Variants in PLAGL1 observed in about 807,000 individuals in gnomAD.
The protein encoded by PLAGL1 is zinc finger protein PLAGL1.
Under a neutral mutation model 4.6 loss-of-function variants are expected in PLAGL1, and 1 was observed. The observed-to-expected ratio is 0.22, with a 90% CI of 0.08 to 1.03. The LOEUF (loss-of-function observed/expected upper bound fraction) is 1.03. Ranked by LOEUF, PLAGL1 falls within the 50% of genes least tolerant of loss-of-function variation. PLAGL1 has a pLI of 0.58. For missense variants in PLAGL1, 464 were observed against 570.4 expected (o/e 0.81, Z 1.90); for synonymous variants, 240 against 237.8 (o/e 1.01, Z -0.08).
At chr6:144,010,709 A>G (rs1417655565), upstream of PLAGL1, among the ~76,000 whole-genome samples, 2 of 152,210 alleles carry the variant, frequency 1.3e-5, no homozygotes, top group African/African-American at 2.4e-5. This position sits in a 1 kb window ranked among gnomAD's most constrained non-coding sequence, Gnocchi z 4.1. Context: ...AAACTACACT[A>G]CAAGGCTACA....
At chr6:144,029,632 T>C (rs1298562900) in intron 1 of PLAGL1, among the ~76,000 whole-genome samples, 1 of 152,232 alleles carries the variant, frequency 6.6e-6, no homozygotes, top group African/African-American at 2.4e-5. Flanking sequence ...TCAAAAATCT[T>C]AACACATACT....
rs1794202238 is a variant in PLAGL1, at chr6:144,006,445, G to A, written c.-584+1645C>T. ...GCCCCTGACCCTCTCCTCCCCACTA[G>A]GAGATGACCATTAGCTTGACTTTTT... is the stretch of plus-strand genomic sequence containing the variant. On this transcript the variant is annotated intron_variant, in intron 1 of 7. Transcript: ENST00000674357. The surrounding 1 kb of genome is among the most constrained non-coding windows in gnomAD (Gnocchi z 4.3). 2 of 152,222 alleles carry A rather than the reference G, an allele frequency of 1.3e-5. No homozygotes were observed. The highest frequency in any genetic ancestry group is 2.9e-5 in the Non-Finnish European group (2 of 68,072). 9.4% of individuals were successfully genotyped at this position (152,222 alleles called of 1,614,324 possible).
Position 144,056,445 on chromosome 6 carries a change from G to T in PLAGL1, c.-151+8023C>A, listed in dbSNP as rs1363164256. Among the ~76,000 whole-genome samples, 1 of 152,182 alleles carries T rather than the reference G, an allele frequency of 6.6e-6. No homozygotes were observed. The highest frequency in any genetic ancestry group is 1.5e-5 in the Non-Finnish European group (1 of 68,042). On this transcript the variant is annotated intron_variant, in intron 1 of 3. Coordinates refer to the PLAGL1 transcript ENST00000437412. This position sits in a 1 kb window ranked among gnomAD's most constrained non-coding sequence, Gnocchi z 4.7. ...ATCTACTAATATAGTGCCATACAGA[G>T]TAGTGTCACTGCTCTAAACAAAACT...
At position 143,975,495 on chromosome 6, in the gene PLAGL1, A is replaced by T. The variant is rs906132257; in HGVS notation, c.-543-6517T>A. Reference sequence around the variant, plus strand: ...AAAGCTCCTAAAACAGCATTGGCATACAGTGAAAGATCAATAATTATAGCT... The same window carrying T: ...AAAGCTCCTAAAACAGCATTGGCATTCAGTGAAAGATCAATAATTATAGCT... On this transcript the variant is annotated intron_variant, in intron 2 of 7. Transcript: ENST00000674357. This position sits in a 1 kb window ranked among gnomAD's most constrained non-coding sequence, Gnocchi z 5.8. Among the ~76,000 whole-genome samples the T allele has an allele frequency of 6.6e-6, 1 of 152,254 alleles. No individual in the cohort carries two copies. Among genetic ancestry groups the T allele is most frequent in the African/African-American group, 2.4e-5 (1 of 41,466 alleles).
At chr6:143,993,102 T>C (rs1790835854) in intron 1 of PLAGL1, among the ~76,000 whole-genome samples, 2 of 149,786 alleles carry the variant, frequency 1.3e-5, no homozygotes, top group Non-Finnish European at 3.0e-5. Flanking sequence ...AGGTCAGGAG[T>C]TCGAGTCCAG....
chr6:144,023,103 G>A (rs1371964932), intron 1 of PLAGL1, among the ~76,000 whole-genome samples: 2 of 152,166 alleles, frequency 1.3e-5, no homozygotes, highest in Non-Finnish European at 2.9e-5. Context: ...GAAACTTAAT[G>A]CATACTGCTA....
chr6:143,951,302 C>A (rs1781034562), intron 6 of PLAGL1, among the ~76,000 whole-genome samples: 1 of 152,212 alleles, frequency 6.6e-6, no homozygotes, highest in South Asian at 2.1e-4. Flanking sequence ...TGTCAATGTA[C>A]AGCTCATGTT....
intron 2 of PLAGL1, among the ~76,000 whole-genome samples, chr6:143,981,757 C>G (rs1034455715): frequency 6.6e-6 from 1 of 152,128 alleles, no homozygotes; most frequent in Non-Finnish European, 1.5e-5. Flanking sequence ...AAGTTCCAAT[C>G]CTTTATATTT....
At position 143,958,626 on chromosome 6, in the gene PLAGL1, G is replaced by A. The variant is rs1262374061; in HGVS notation, c.-325+1843C>T. Among the ~76,000 whole-genome samples the A allele has an allele frequency of 6.6e-6, 1 of 152,078 alleles. No individual in the cohort carries two copies. The highest frequency in any genetic ancestry group is 1.5e-5 in the Non-Finnish European group (1 of 68,022). On this transcript the variant is annotated intron_variant, in intron 6 of 7. Coordinates refer to ENST00000674357, the MANE Select transcript of PLAGL1 (RefSeq NM_001317162.2). The surrounding 1 kb of genome is among the most constrained non-coding windows in gnomAD (Gnocchi z 5.1). The stretch of plus-strand genomic sequence containing the variant: ...CCATGTCATGTCCAATAAATTCAAA[G>A]GATGCAAAGCAAATTGTTCATCCAG...
Position 143,953,366 on chromosome 6 carries a change from A to G in PLAGL1, c.-324-4906T>C, listed in dbSNP as rs1273696855. On this transcript the variant is annotated intron_variant, in intron 6 of 7. Coordinates refer to ENST00000674357, the MANE Select transcript of PLAGL1 (RefSeq NM_001317162.2). This position sits in a 1 kb window ranked among gnomAD's most constrained non-coding sequence, Gnocchi z 5.3. ...CACCTTGAAAGACTGAATTTTGTTA[A>G]CCCAGTGACTAAGCTCTTACTTTCT... is the stretch of plus-strand genomic sequence containing the variant. Among the ~76,000 whole-genome samples the G allele has an allele frequency of 1.3e-5, 2 of 152,190 alleles. No individual in the cohort carries two copies. Among genetic ancestry groups the G allele is most frequent in the Non-Finnish European group, 2.9e-5 (2 of 68,044 alleles).
chr6:144,044,994 C>T (rs1369400476), intron 1 of PLAGL1, among the ~76,000 whole-genome samples: 1 of 104,990 alleles, frequency 9.5e-6, no homozygotes, highest in Admixed American at 9.6e-5. Context: ...AGGATTGCAA[C>T]CCCTGCTTTT....
In PLAGL1 at chr6:144,016,962, G is replaced by T. The variant is rs1365484301; in HGVS notation, c.-151+47506C>A. On this transcript the variant is annotated intron_variant, in intron 1 of 3. Transcript: ENST00000437412. This position sits in a 1 kb window ranked among gnomAD's most constrained non-coding sequence, Gnocchi z 4.2. ...ACCTGTGAGGGTGTCAGTGGCAGAG[G>T]TGAAACCTGACCTAGAGCCTTCTCT... 6.6e-6 allele frequency among the ~76,000 whole-genome samples: 1 copy of T among 152,040 alleles called. No individual in the cohort carries two copies. Among genetic ancestry groups the T allele is most frequent in the Non-Finnish European group, 1.5e-5 (1 of 68,006 alleles).
chr6:143,973,560 C>T lies in PLAGL1; in HGVS notation c.-543-4582G>A, dbSNP rs1425389870. The stretch of plus-strand genomic sequence containing the variant: ...CATAAATAAACTTCTCCCTCTCACT[C>T]TCCCTTTCTTCCTCCATCCTACAAC... On this transcript the variant is annotated intron_variant, in intron 2 of 7. Transcript: ENST00000674357. This position sits in a 1 kb window ranked among gnomAD's most constrained non-coding sequence, Gnocchi z 6.2. Among the ~76,000 whole-genome samples the T allele has an allele frequency of 3.9e-5, 6 of 152,198 alleles. No homozygotes were observed. Among genetic ancestry groups the T allele is most frequent in the African/African-American group, 1.4e-4 (6 of 41,440 alleles).
At chr6:144,044,942 CTT>C (rs1798015557) in intron 1 of PLAGL1, among the ~76,000 whole-genome samples, 1 of 145,372 alleles carries the variant, frequency 6.9e-6, no homozygotes, top group Admixed American at 6.8e-5. Flanking sequence ...TTCTTTGTCT[CTT>C]TTGATCTTTG....
chr6:144,054,153 C>A (rs1798772946), intron 1 of PLAGL1, among the ~76,000 whole-genome samples: 1 of 151,924 alleles, frequency 6.6e-6, no homozygotes, highest in South Asian at 2.1e-4. Flanking sequence ...GCTCACTTAA[C>A]AAACAATACA....
At position 144,005,031 on chromosome 6, in the gene PLAGL1, A is replaced by G. The variant is rs1453202987; in HGVS notation, c.-584+3059T>C. On this transcript the variant is annotated intron_variant, in intron 1 of 7. Coordinates refer to ENST00000674357, the MANE Select transcript of PLAGL1 (RefSeq NM_001317162.2). This position sits in a 1 kb window ranked among gnomAD's most constrained non-coding sequence, Gnocchi z 4.6. Reference sequence around the variant, plus strand: ...ATCTATATATAAAGTGTATGTGTATATATTATATATATACACACACCTACA... The same window carrying G: ...ATCTATATATAAAGTGTATGTGTATGTATTATATATATACACACACCTACA... The G allele has an allele frequency of 6.6e-6, 1 of 150,600 alleles. No homozygotes were observed. The highest frequency in any genetic ancestry group is 2.4e-5 in the African/African-American group (1 of 41,192). The allele number at this position is 150,600 out of a possible 1,614,324, so 9.3% of individuals were successfully genotyped here.
At chr6:143,987,907 CA>C (rs1789571845) in intron 1 of PLAGL1, among the ~76,000 whole-genome samples, 1 of 152,174 alleles carries the variant, frequency 6.6e-6, no homozygotes, top group Admixed American at 6.5e-5. Flanking sequence ...CATTTATCTC[CA>C]ATTCTTCTCC....
chr6:144,017,119 A>G (rs1222754048), intron 1 of PLAGL1, among the ~76,000 whole-genome samples: 1 of 152,212 alleles, frequency 6.6e-6, no homozygotes, highest in Non-Finnish European at 1.5e-5. Context: ...TGTTCAACTC[A>G]ACAGATATTC....
chr6:144,033,591 T>A (rs1158431915), intron 1 of PLAGL1, among the ~76,000 whole-genome samples: 2 of 152,184 alleles, frequency 1.3e-5, no homozygotes, highest in Non-Finnish European at 1.5e-5. Flanking sequence ...TGATCTTTGT[T>A]ATATACTAGT....
Sources: gnomAD v4.1 joint callset for allele counts (sites outside exome capture counted in the v4.1 genomes callset) on GRCh38, gnomAD v4.1.1 for gene constraint, Gnocchi (gnomAD v3.1) non-coding constraint, MANE v1.5 for transcripts, NCBI Gene and HGNC (gene_info 2026-07-23, HGNC 2026-07-21) for gene names.